Variants in ARL15 observed in about 807,000 individuals in gnomAD.
The protein encoded by ARL15 is ARF like GTPase 15.
Under a neutral mutation model 25.2 loss-of-function variants are expected in ARL15, and 19 were observed. The observed-to-expected ratio is 0.75, with a 90% confidence interval of 0.53 to 1.10. ARL15 has a LOEUF of 1.10. Among genes scored for constraint, ARL15 ranks in the 50% least tolerant of loss-of-function variants. The pLI, the probability that ARL15 is intolerant of heterozygous loss-of-function variation, is 0.00. For missense variants in ARL15, 220 were observed against 246.0 expected (o/e 0.89, Z 0.71); for synonymous variants, 94 against 86.8 (o/e 1.08, Z -0.46).
At chr5:54,208,327 GA>G (rs1446374219) in intron 1 of ARL15, among the ~76,000 whole-genome samples, 4 of 151,942 alleles carry the variant, frequency 2.6e-5, no homozygotes, top group African/African-American at 7.3e-5. Flanking sequence ...CCTAACACAG[GA>G]AAAAATTTTT....
In ARL15 at chr5:53,955,255, G is replaced by A. The variant is rs77058224; in HGVS notation, c.463-68542C>T. ...CAACAATTAGGTTACTTTAGAAAAG[G>A]ATAAAATTTTCGATCTAATCACTTT... On this transcript the variant is annotated intron_variant, in intron 4 of 4. Coordinates refer to ENST00000504924, the MANE Select transcript of ARL15 (RefSeq NM_019087.3). 7.5e-3 allele frequency among the ~76,000 whole-genome samples: 1,134 copies of A among 151,942 alleles called. 5 individuals are homozygous for A. Among genetic ancestry groups the A allele is most frequent in the South Asian group, 0.01 (50 of 4,788 alleles).
chr5:54,202,317 C>G, intron 1 of ARL15, among the ~76,000 whole-genome samples: 1 of 152,128 alleles, frequency 6.6e-6, no homozygotes. Flanking sequence ...AATCAGCCGA[C>G]CTTACAAATA....
chr5:54,259,716 G>A (rs950882669), intron 1 of ARL15, among the ~76,000 whole-genome samples: 5 of 152,088 alleles, frequency 3.3e-5, no homozygotes, highest in African/African-American at 1.2e-4. Flanking sequence ...ATAAAGAATG[G>A]CCAAGTAATG....
intron 4 of ARL15, among the ~76,000 whole-genome samples, chr5:54,083,277 T>C (rs998522043): frequency 2.0e-5 from 3 of 152,176 alleles, no homozygotes; most frequent in Admixed American, 1.3e-4. Flanking sequence ...GTGTAGCAAA[T>C]ACATAGTACC....
intron 4 of ARL15, among the ~76,000 whole-genome samples, chr5:54,042,628 T>C (rs549248617): frequency 4.6e-5 from 7 of 152,312 alleles, no homozygotes; most frequent in Non-Finnish European, 7.3e-5. Context: ...ACATAACACG[T>C]AGGGTTCTCT....
At chr5:53,912,376 C>A (rs571667153) in intron 4 of ARL15, among the ~76,000 whole-genome samples, 1 of 152,062 alleles carries the variant, frequency 6.6e-6, no homozygotes, top group African/African-American at 2.4e-5. Flanking sequence ...AACAAAAAAA[C>A]GGTTTTCAAT....
chr5:53,899,160 A>G (rs1276602095), intron 4 of ARL15, among the ~76,000 whole-genome samples: 20 of 151,850 alleles, frequency 1.3e-4, no homozygotes, highest in Admixed American at 6.6e-4. Context: ...CAGCCTGGCC[A>G]ACATGGTGAA....
intron 1 of ARL15, among the ~76,000 whole-genome samples, chr5:54,275,944 C>T (rs1367356738): frequency 2.0e-5 from 3 of 151,514 alleles, no homozygotes; most frequent in Admixed American, 6.6e-5. Flanking sequence ...CCGCCCACCT[C>T]GGCCTCCCAA....
Position 54,237,569 on chromosome 5 carries a change from A to T in ARL15, c.49-65641T>A, listed in dbSNP as rs13359069. 6.7e-3 allele frequency among the ~76,000 whole-genome samples: 1,026 copies of T among 152,142 alleles called. 10 individuals carry two copies. Among genetic ancestry groups the T allele is most frequent in the African/African-American group, 0.023 (960 of 41,452 alleles). ...GAATAACAAAAAGCAGTAGCATTTT[A>T]TGTAAATTAGTATTGTCTATTTAAA... is the stretch of plus-strand genomic sequence containing the variant. On this transcript the variant is annotated intron_variant, in intron 1 of 4. Coordinates refer to ENST00000504924, the MANE Select transcript of ARL15 (RefSeq NM_019087.3).
intron 4 of ARL15, among the ~76,000 whole-genome samples, chr5:54,035,205 T>C (rs1412623620): frequency 1.3e-5 from 2 of 152,180 alleles, no homozygotes; most frequent in Non-Finnish European, 2.9e-5. Context: ...TTGATAGCTT[T>C]ATGAAATCAG....
chr5:54,303,796 G>A (rs887175623), intron 1 of ARL15, among the ~76,000 whole-genome samples: 12 of 151,934 alleles, frequency 7.9e-5, no homozygotes, highest in Admixed American at 5.9e-4. Context: ...AACAAAACTG[G>A]GGCTTGGGGC....
chr5:54,152,678 G>A (rs1406888320), intron 3 of ARL15, among the ~76,000 whole-genome samples: 2 of 152,180 alleles, frequency 1.3e-5, no homozygotes, highest in Non-Finnish European at 2.9e-5. Context: ...TCTGATCCCT[G>A]AGGCTCTGCC....
chr5:54,139,763 T>G (rs1046835965), intron 3 of ARL15, among the ~76,000 whole-genome samples: 1 of 152,028 alleles, frequency 6.6e-6, no homozygotes, highest in Non-Finnish European at 1.5e-5. Flanking sequence ...GCCCAGGAGG[T>G]GGAGGCTGCA....
intron 4 of ARL15, among the ~76,000 whole-genome samples, chr5:53,915,835 C>T (rs372296983): frequency 2.6e-5 from 4 of 152,132 alleles, no homozygotes; most frequent in East Asian, 3.8e-4. Context: ...GAAAGAGAAA[C>T]GACTTGATTT....
chr5:53,907,788 G>A (rs1337512399), intron 4 of ARL15, among the ~76,000 whole-genome samples: 2 of 151,686 alleles, frequency 1.3e-5, no homozygotes, highest in Non-Finnish European at 2.9e-5. Context: ...GAGCCACAGC[G>A]CCCAGCCGAG....
intron 1 of ARL15, among the ~76,000 whole-genome samples, chr5:54,295,864 G>A (rs1758453983): frequency 6.6e-6 from 1 of 152,106 alleles, no homozygotes; most frequent in Non-Finnish European, 1.5e-5. Flanking sequence ...TAAAAGAGCT[G>A]GCCAATAAAT....
At chr5:54,070,056 C>G (rs1375475389) in intron 4 of ARL15, among the ~76,000 whole-genome samples, 1 of 151,386 alleles carries the variant, frequency 6.6e-6, no homozygotes, top group East Asian at 2.0e-4. Flanking sequence ...AATGGATTAT[C>G]ATGGGAGTGG....
chr5:54,195,968 A>G (rs984391776), intron 1 of ARL15, among the ~76,000 whole-genome samples: 3 of 152,126 alleles, frequency 2.0e-5, no homozygotes, highest in African/African-American at 7.2e-5. Flanking sequence ...GCTGTAGCCC[A>G]TCTTCTCCTG....
intron 1 of ARL15, among the ~76,000 whole-genome samples, chr5:54,288,296 C>T (rs769151221): frequency 7.9e-5 from 12 of 152,220 alleles, no homozygotes; most frequent in Non-Finnish European, 1.8e-4. Flanking sequence ...GTAAGTCTTA[C>T]AAGTCTTCCA....
Sources: allele counts gnomAD v4.1 joint callset (sites outside exome capture counted in the v4.1 genomes callset), GRCh38; gene constraint gnomAD v4.1.1; transcripts MANE v1.5; gene names NCBI Gene and HGNC (gene_info 2026-07-23, HGNC 2026-07-21).